The following OTUD7B variants were observed in gnomAD, a reference collection of about 807,000 sequenced individuals.
OTUD7B encodes OTU deubiquitinase 7B, also known as OTU domain-containing protein 7B.
A neutral mutation model predicts 82.2 loss-of-function variants in OTUD7B; 34 were observed. The observed-to-expected ratio is 0.41, with a 90% CI of 0.31 to 0.55. The LOEUF (loss-of-function observed/expected upper bound fraction) is 0.55, where lower values mean the gene tolerates loss of function less well. Ranked by LOEUF, OTUD7B falls within the 20% of genes least tolerant of loss-of-function variation. The pLI, the probability that OTUD7B is intolerant of heterozygous loss-of-function variation, is 0.20. For missense variants in OTUD7B, 944 were observed against 1,062.1 expected, an observed-to-expected ratio of 0.89 and a Z score of 1.55; for synonymous variants, 398 against 402.7, an observed-to-expected ratio of 0.99 and a Z score of 0.14.
chr1:150,036,124 T>C, the OTUD7B span, among the ~76,000 whole-genome samples: 1 of 151,970 alleles, frequency 6.6e-6, no homozygotes, highest in African/African-American at 2.4e-5. Flanking sequence ...GGTTAATTTT[T>C]GTATTTTTTT....
At chr1:150,065,132 C>T in the OTUD7B span, among the ~76,000 whole-genome samples, 1 of 151,566 alleles carries the variant, frequency 6.6e-6, no homozygotes. Flanking sequence ...ACCCAGGCTG[C>T]AGTGCAGTGG....
chr1:150,054,270 T>G, the OTUD7B span: 2 of 471,910 alleles, frequency 4.2e-6, no homozygotes, highest in African/African-American at 4.0e-5. Context: ...AGTCAGCACA[T>G]GAGAAAACTG....
At chr1:150,012,974 T>C (rs587675754), upstream of OTUD7B, among the ~76,000 whole-genome samples, 1 of 152,344 alleles carries the variant, frequency 6.6e-6, no homozygotes, top group South Asian at 2.1e-4. Flanking sequence ...TCTCAGTTTC[T>C]CTGCGTAGAA....
At chr1:150,000,992 T>TAATAAATA (rs1182881151) in intron 1 of OTUD7B, among the ~76,000 whole-genome samples, 1 of 151,056 alleles carries the variant, frequency 6.6e-6, no homozygotes, top group Non-Finnish European at 1.5e-5. Context: ...AATAAATAAA[T>TAATAAATA]AATAAATAAA....
chr1:150,045,031 AT>A, the OTUD7B span, among the ~76,000 whole-genome samples: 20 of 152,156 alleles, frequency 1.3e-4, no homozygotes, highest in Non-Finnish European at 2.8e-4. Flanking sequence ...AATACCAATA[AT>A]TATTAGATTC....
chr1:150,053,691 C>T, the OTUD7B span, among the ~76,000 whole-genome samples: 1 of 152,022 alleles, frequency 6.6e-6, no homozygotes, highest in South Asian at 2.1e-4. Flanking sequence ...CCACCACGCA[C>T]GGCTGAACAG....
chr1:150,029,809 G>A, the OTUD7B span, among the ~76,000 whole-genome samples: 2 of 152,120 alleles, frequency 1.3e-5, no homozygotes, highest in Admixed American at 1.3e-4. Flanking sequence ...AATCTTAAAA[G>A]TCCAGTAATC....
chr1:149,975,099 C>G (rs1211466708), intron 2 of OTUD7B, among the ~76,000 whole-genome samples: 1 of 152,178 alleles, frequency 6.6e-6, no homozygotes, highest in African/African-American at 2.4e-5. Context: ...GTGCCAAACT[C>G]TCTTGCACCT....
At chr1:150,020,148 A>C in the OTUD7B span, among the ~76,000 whole-genome samples, 1 of 152,128 alleles carries the variant, frequency 6.6e-6, no homozygotes, top group Non-Finnish European at 1.5e-5. Context: ...CAACACAATC[A>C]ACCCCAACTG....
chr1:150,035,434 G>A, the OTUD7B span, among the ~76,000 whole-genome samples: 1 of 152,128 alleles, frequency 6.6e-6, no homozygotes, highest in Non-Finnish European at 1.5e-5. Context: ...TGGGTGGCAT[G>A]GATGCCCTCA....
At chr1:149,964,129 AC>A in intron 6 of OTUD7B, 92 bp downstream of exon 6, 1 of 1,456,048 alleles carries the variant, frequency 6.9e-7, no homozygotes, top group Non-Finnish European at 9.4e-7. Context: ...ACTGACCTAA[AC>A]ACTTGGAAAT....
upstream of OTUD7B, among the ~76,000 whole-genome samples, chr1:150,011,681 A>G (rs587708841): frequency 6.6e-6 from 1 of 152,358 alleles, no homozygotes; most frequent in South Asian, 2.1e-4. Flanking sequence ...GACAAACACA[A>G]AACGATGCCA....
intron 11 of OTUD7B, 135 bp downstream of exon 11, chr1:149,947,113 ATCT>A: frequency 3.9e-6 from 2 of 510,430 alleles, no homozygotes; most frequent in East Asian, 2.9e-5. Flanking sequence ...CTTATCTGAC[ATCT>A]TCTAGTTACT....
At position 149,940,227 on chromosome 1, in the gene OTUD7B, A is replaced by T. The variant is rs1553770129; in HGVS notation, c.*3630T>A. 1.3e-5 allele frequency: 2 copies of T among 151,802 alleles called. No homozygotes were observed. Among genetic ancestry groups the T allele is most frequent in the Non-Finnish European group, 2.9e-5 (2 of 67,972 alleles). 9.4% of individuals were successfully genotyped at this position (151,802 alleles called of 1,614,324 possible). Reference sequence around the variant, plus strand: ...CCTTAGTTTCGCTTGATAGAAAAAAAAAAACTGAGCTAATAGAGGGAAGGT... The same window carrying T: ...CCTTAGTTTCGCTTGATAGAAAAAATAAAACTGAGCTAATAGAGGGAAGGT... On this transcript the variant is annotated 3_prime_UTR_variant, in exon 12 of 12. Coordinates refer to ENST00000581312, the MANE Select transcript of OTUD7B (RefSeq NM_020205.4).
At chr1:150,038,540 C>T in the OTUD7B span, among the ~76,000 whole-genome samples, 1 of 151,840 alleles carries the variant, frequency 6.6e-6, no homozygotes, top group African/African-American at 2.4e-5. Context: ...GCACACACCG[C>T]CACACCTGGC....
chr1:149,960,824 G>C (rs782249137), intron 6 of OTUD7B: 2 of 151,152 alleles, frequency 1.3e-5, no homozygotes. Context: ...TCCTACCTTA[G>C]TGAATAGCAC....
At chr1:150,052,216 A>G in the OTUD7B span, among the ~76,000 whole-genome samples, 1 of 152,346 alleles carries the variant, frequency 6.6e-6, no homozygotes, top group South Asian at 2.1e-4. Context: ...GAATAGCAAG[A>G]GAGGAAGTCA....
At chr1:149,966,905 G>A (rs953797359) in intron 4 of OTUD7B, among the ~76,000 whole-genome samples, 5 of 152,110 alleles carry the variant, frequency 3.3e-5, no homozygotes, top group Admixed American at 2.0e-4. Flanking sequence ...AATAATTTAA[G>A]ATAAACACAA....
In OTUD7B at chr1:149,991,795, G is replaced by C. The variant is rs587651152; in HGVS notation, c.-66-14219C>G. 4.6e-5 allele frequency among the ~76,000 whole-genome samples: 7 copies of C among 152,210 alleles called. No homozygotes were observed. In the South Asian group the frequency reaches 1.2e-3, roughly 27 times the overall value. Reference sequence around the variant, plus strand: ...AATTTTCCATGGGATCTACTTTGTGGATTTATTCACAAAAACTGCCTTTCC... The same window carrying C: ...AATTTTCCATGGGATCTACTTTGTGCATTTATTCACAAAAACTGCCTTTCC... On this transcript the variant is annotated intron_variant, in intron 1 of 11. Coordinates refer to ENST00000581312, the MANE Select transcript of OTUD7B (RefSeq NM_020205.4).
Sources: allele counts gnomAD v4.1 joint callset (sites outside exome capture counted in the v4.1 genomes callset), GRCh38; gene constraint gnomAD v4.1.1; transcripts MANE v1.5; gene names NCBI Gene and HGNC (gene_info 2026-07-23, HGNC 2026-07-21).